HMG20A: variants seen among roughly 807,000 people sequenced by gnomAD.
The protein encoded by HMG20A is high mobility group protein 20A.
A neutral mutation model predicts 43.9 loss-of-function variants in HMG20A; 17 were observed. That is an observed-to-expected ratio of 0.39 (90% CI 0.27 to 0.58). HMG20A has a LOEUF of 0.58. Among genes scored for constraint, HMG20A ranks in the 20% least tolerant of loss-of-function variants. The probability of loss-of-function intolerance (pLI) is 0.59; values close to 1 mark genes in which losing one functional copy is unlikely to be tolerated. For synonymous variants in HMG20A, 132 were observed against 147.5 expected (o/e 0.89, Z 0.76); for missense variants, 341 against 438.2 (o/e 0.78, Z 1.98).
chr15:77,469,916 C>A (rs567169696), intron 4 of HMG20A, among the ~76,000 whole-genome samples: 1 of 152,290 alleles, frequency 6.6e-6, no homozygotes, highest in South Asian at 2.1e-4. Flanking sequence ...GATCCACCCA[C>A]CTCGGTCTCC....
chr15:77,441,796 G>A (rs1287282529), intron 1 of HMG20A, among the ~76,000 whole-genome samples: 26 of 151,968 alleles, frequency 1.7e-4, no homozygotes, highest in Admixed American at 1.6e-3. Context: ...TATCAACTTT[G>A]TCTTTTAAAT....
At chr15:77,477,754 T>C (rs768364549) in intron 7 of HMG20A, 124 bp downstream of exon 7, 19 of 634,970 alleles carry the variant, frequency 3.0e-5, no homozygotes, top group Non-Finnish European at 4.7e-5. Flanking sequence ...CAAAGACCAG[T>C]GAAGGAAAGC....
chr15:77,479,633 A>G, intron 9 of HMG20A: 1 of 200,396 alleles, frequency 5.0e-6, no homozygotes, highest in Non-Finnish European at 1.0e-5. Flanking sequence ...TTGCTTCAGA[A>G]TGGTTTAATG....
chr15:77,442,926 T>G (rs2073628692), intron 1 of HMG20A, among the ~76,000 whole-genome samples: 1 of 152,190 alleles, frequency 6.6e-6, no homozygotes, highest in Non-Finnish European at 1.5e-5. Context: ...CTTTTCCTCT[T>G]TCTTTAAAGT....
intron 2 of HMG20A, among the ~76,000 whole-genome samples, chr15:77,459,580 A>G (rs1286176612): frequency 1.3e-5 from 2 of 152,206 alleles, no homozygotes; most frequent in South Asian, 2.1e-4. Flanking sequence ...AGTGACTTCA[A>G]TAAAGACCTG....
chr15:77,443,810 A>G (rs1024254286), intron 1 of HMG20A, among the ~76,000 whole-genome samples: 2 of 152,128 alleles, frequency 1.3e-5, no homozygotes, highest in East Asian at 3.9e-4. Flanking sequence ...GGCTCCAGCA[A>G]TCTTCCCACC....
chr15:77,491,701 A>C, the HMG20A span, among the ~76,000 whole-genome samples: 3 of 152,340 alleles, frequency 2.0e-5, no homozygotes, highest in African/African-American at 7.2e-5. Context: ...GCTTGGGGGA[A>C]GGCAAAAGAG....
the HMG20A span, among the ~76,000 whole-genome samples, chr15:77,497,305 C>G: frequency 6.6e-6 from 1 of 152,226 alleles, no homozygotes; most frequent in Non-Finnish European, 1.5e-5. Context: ...GGCCTGTGAA[C>G]CTGGCCAGCA....
At chr15:77,468,960 A>G (rs1046743972) in intron 4 of HMG20A, among the ~76,000 whole-genome samples, 2 of 151,806 alleles carry the variant, frequency 1.3e-5, no homozygotes, top group African/African-American at 4.8e-5. Context: ...TAACATTGAT[A>G]TTTTTTTAAA....
chr15:77,473,699 G>A (rs1376473954), intron 6 of HMG20A, among the ~76,000 whole-genome samples: 1 of 152,212 alleles, frequency 6.6e-6, no homozygotes, highest in African/African-American at 2.4e-5. Flanking sequence ...ATACATTAGT[G>A]TGATATGAAT....
chr15:77,497,838 ATTTTT>A, the HMG20A span, among the ~76,000 whole-genome samples: 5 of 142,614 alleles, frequency 3.5e-5, no homozygotes, highest in East Asian at 4.1e-4. Context: ...AAGATTTTTA[ATTTTT>A]TTTTTTTTTT....
At chr15:77,491,765 G>A in the HMG20A span, among the ~76,000 whole-genome samples, 1 of 152,172 alleles carries the variant, frequency 6.6e-6, no homozygotes, top group Non-Finnish European at 1.5e-5. Flanking sequence ...AGTTCCTTAA[G>A]ATAAGCTAGA....
At chr15:77,455,977 G>A (rs994300184) in intron 1 of HMG20A, among the ~76,000 whole-genome samples, 1 of 151,924 alleles carries the variant, frequency 6.6e-6, no homozygotes, top group South Asian at 2.1e-4. Flanking sequence ...GTTGATCTTG[G>A]CCCCTTAACC....
chr15:77,463,997 G>A (rs939283255), intron 2 of HMG20A, among the ~76,000 whole-genome samples: 2 of 152,234 alleles, frequency 1.3e-5, no homozygotes, highest in African/African-American at 4.8e-5. Context: ...CTTTTTGGAA[G>A]AAGATTATAG....
chr15:77,503,909 CA>C, the HMG20A span, among the ~76,000 whole-genome samples: 1 of 152,146 alleles, frequency 6.6e-6, no homozygotes, highest in Non-Finnish European at 1.5e-5. Context: ...TGTACAGCTG[CA>C]CATGGCAGCT....
At chr15:77,473,157 A>G (rs1051565466) in intron 6 of HMG20A, among the ~76,000 whole-genome samples, 2 of 152,234 alleles carry the variant, frequency 1.3e-5, no homozygotes, top group African/African-American at 2.4e-5. Context: ...TCTATGAATT[A>G]TAAAGTGAGA....
chr15:77,456,210 G>C (rs2072652659), intron 1 of HMG20A, among the ~76,000 whole-genome samples: 1 of 152,150 alleles, frequency 6.6e-6, no homozygotes, highest in Non-Finnish European at 1.5e-5. Context: ...AATGACTAAA[G>C]ATATCTGGAA....
At chr15:77,427,638 C>A (rs2073439961) in intron 1 of HMG20A, among the ~76,000 whole-genome samples, 1 of 152,148 alleles carries the variant, frequency 6.6e-6, no homozygotes, top group African/African-American at 2.4e-5. Flanking sequence ...ATACATGTTA[C>A]CCCATATGGC....
At chr15:77,505,969 C>T in the HMG20A span, among the ~76,000 whole-genome samples, 11 of 151,644 alleles carry the variant, frequency 7.3e-5, no homozygotes, top group South Asian at 2.1e-4. Context: ...AATTGGGAGC[C>T]GGTGCCCAGA....
Sources: allele counts gnomAD v4.1 joint callset (sites outside exome capture counted in the v4.1 genomes callset), GRCh38; gene constraint gnomAD v4.1.1; transcripts MANE v1.5; gene names NCBI Gene and HGNC (gene_info 2026-07-23, HGNC 2026-07-21).